PASK: variants seen among roughly 807,000 people sequenced by gnomAD.
PASK encodes PAS domain containing serine/threonine kinase.
A neutral mutation model predicts 121.0 loss-of-function variants in PASK; 110 were observed. The ratio of observed to expected loss-of-function variants is 0.91; its 90% confidence interval spans 0.78 to 1.06. The LOEUF is 1.06. Ranked by LOEUF, PASK falls within the 50% of genes least tolerant of loss-of-function variation. The pLI, the probability that PASK is intolerant of heterozygous loss-of-function variation, is 0.00. For missense variants in PASK, 1,643 were observed against 1,702.3 expected, an observed-to-expected ratio of 0.97 and a Z score of 0.61; for synonymous variants, 686 against 717.8, an observed-to-expected ratio of 0.96 and a Z score of 0.71.
intron 2 of PASK, among the ~76,000 whole-genome samples, chr2:241,141,108 T>G (rs1459522379): frequency 6.6e-6 from 1 of 152,166 alleles, no homozygotes; most frequent in Non-Finnish European, 1.5e-5. Context: ...AGCGAGACCC[T>G]GTCCCTACTA....
chr2:241,132,373 G>A (rs538089689), intron 9 of PASK, among the ~76,000 whole-genome samples: 52 of 151,296 alleles, frequency 3.4e-4, no homozygotes, highest in East Asian at 2.7e-3. Context: ...AAAAGTAACC[G>A]GGCGTGGTGG....
intron 2 of PASK, among the ~76,000 whole-genome samples, chr2:241,141,612 G>C (rs1321677138): frequency 6.6e-6 from 1 of 152,000 alleles, no homozygotes; most frequent in Non-Finnish European, 1.5e-5. Context: ...CATCTAATTA[G>C]AAATGCACTG....
chr2:241,139,739 T>C, intron 4 of PASK, 146 bp downstream of exon 4: 1 of 797,584 alleles, frequency 1.3e-6, no homozygotes. Context: ...AAACGGCGCC[T>C]GGGATGACAT....
chr2:241,138,704 C>T lies in PASK; in HGVS notation c.691G>A (p.Val231Ile), dbSNP rs1268762868. The T allele has an allele frequency of 2.5e-6, 4 of 1,614,152 alleles. No homozygotes were observed. The highest frequency in any genetic ancestry group is 1.7e-5 in the Admixed American group (1 of 60,036). ...GAGACCCTCTCCACGGGCTCCAGGA[C>T]CACCACGCAGCATAGGCGGCGCTCC... ...RQERRLCCVV[V>I]LEPVERVSTW... The change falls in exon 5 of 18, where the codon GTC (valine) becomes ATC (isoleucine). Residue 231 changes from valine to isoleucine, a missense_variant. Val to Ile is a conservative substitution (Grantham distance 29). Around this residue, in one of 3 missense-constraint regions of PASK, gnomAD observed 1,176 missense variants for 1,162.2 expected, o/e 1.01. Coordinates refer to ENST00000234040, the MANE Select transcript of PASK (RefSeq NM_015148.4).
chr2:241,122,721 A>G lies in PASK; in HGVS notation c.3072+11T>C. The G allele has an allele frequency of 6.2e-7, 1 of 1,613,598 alleles. No homozygotes were observed. The highest frequency in any genetic ancestry group is 1.1e-5 in the South Asian group (1 of 91,074). On this transcript the variant is annotated intron_variant, in intron 12 of 17. Transcript: ENST00000234040. ...GTGCCCGGCGCCACTCCCCCCCCACAGCCAGGTTACCTCCTTGTTTTTTTC... is the reference window on the plus strand; with the variant it reads ...GTGCCCGGCGCCACTCCCCCCCCACGGCCAGGTTACCTCCTTGTTTTTTTC...
intron 1 of PASK, among the ~76,000 whole-genome samples, chr2:241,143,732 C>T (rs1222806979): frequency 2.0e-5 from 3 of 152,116 alleles, no homozygotes; most frequent in Non-Finnish European, 2.9e-5. Context: ...CCCATCAGCA[C>T]GTGGGGGCTG....
chr2:241,145,765 C>A (rs2066925425), intron 1 of PASK: 1 of 151,906 alleles, frequency 6.6e-6, no homozygotes, highest in South Asian at 2.1e-4. Context: ...TTCCCAGCTA[C>A]TCTGGAGGCA....
intron 8 of PASK, chr2:241,134,541 G>A (rs979912581): frequency 2.6e-5 from 4 of 152,256 alleles, no homozygotes; most frequent in African/African-American, 9.6e-5. Context: ...CAGCTAAAGA[G>A]TGTCTGACGG....
rs2065880019 is a variant in PASK at position 241,126,665 on chromosome 2, G to A, written c.2250C>T (p.Asp750=). Reference sequence around the variant, plus strand: ...AATTTGATGACGTTTGGTCTGTCTGGTCACTGAAAAAGAGTTCCTTGAGGT... The same window carrying A: ...AATTTGATGACGTTTGGTCTGTCTGATCACTGAAAAAGAGTTCCTTGAGGT... ...SWNLKELFFS[D]QTDQTSSNCS... is the part of the protein sequence containing the mutation. Residue 750 remains aspartate, a synonymous_variant, in exon 10 of 18, where the codon GAC becomes GAT. Transcript: ENST00000234040. 1.9e-6 allele frequency: 3 copies of A among 1,614,190 alleles called. No homozygotes were observed. Among genetic ancestry groups the A allele is most frequent in the East Asian group, 2.2e-5 (1 of 44,878 alleles).
At chr2:241,127,877 T>TA (rs1001203723) in intron 9 of PASK, 7 of 283,080 alleles carry the variant, frequency 2.5e-5, no homozygotes, top group African/African-American at 4.4e-5. Context: ...TCCACAACAG[T>TA]AAAAAAACAA....
At chr2:241,127,755 C>T (rs2065943074) in intron 9 of PASK, 24 of 406,322 alleles carry the variant, frequency 5.9e-5, no homozygotes, top group South Asian at 4.6e-4. Context: ...CCCCAAACCC[C>T]CCGTCAGCCG....
At chr2:241,126,172 C>T (rs368525542) in intron 10 of PASK, 24 bp downstream of exon 10, 1 of 1,612,190 alleles carries the variant, frequency 6.2e-7, no homozygotes, top group Non-Finnish European at 8.5e-7. Flanking sequence ...CACCACACTT[C>T]TTCCTATGGG....
At chr2:241,137,862 C>A in intron 6 of PASK, 91 bp downstream of exon 6, 1 of 1,447,610 alleles carries the variant, frequency 6.9e-7, no homozygotes. Context: ...GCCACCCTTG[C>A]CTTCAGAAAC....
chr2:241,137,366 A>G, intron 6 of PASK, 102 bp from the exon 7 acceptor site: 1 of 937,004 alleles, frequency 1.1e-6, no homozygotes. Context: ...GTCATCGGGG[A>G]AGGTCCCCAG....
chr2:241,136,588 C>T (rs2066446621), intron 7 of PASK, among the ~76,000 whole-genome samples: 1 of 152,248 alleles, frequency 6.6e-6, no homozygotes, highest in Admixed American at 6.5e-5. Flanking sequence ...GTCTCAATGC[C>T]CTCAGCTCCT....
In PASK at chr2:241,126,592, C is replaced by G; in HGVS notation, c.2323G>C (p.Val775Leu). ...ELRETPSSLAVGSDPDVGSLQ... is the reference protein window; with the variant it reads ...ELRETPSSLALGSDPDVGSLQ... The stretch of plus-strand genomic sequence containing the variant: ...CTGCCTACATCTGGATCGGAGCCCA[C>G]TGCCAAGGAAGAGGGTGTCTCTCTG... Residue 775 changes from valine to leucine, a missense_variant, in exon 10 of 18, where the codon GTG becomes CTG. Val to Leu is a conservative substitution (Grantham distance 32). This residue lies in a region of PASK where 1,176 missense variants were observed against 1,162.2 expected (regional missense o/e 1.01). Transcript: ENST00000234040. 1 of 1,614,256 alleles carries G rather than the reference C, an allele frequency of 6.2e-7. No individual in the cohort carries two copies. The highest frequency in any genetic ancestry group is 1.3e-5 in the African/African-American group (1 of 75,072).
rs780777762 is a variant in PASK, at chr2:241,137,150, G to A, written c.991C>T (p.Pro331Ser). The change falls in exon 7 of 18, where the codon CCT (proline) becomes TCT (serine). Residue 331 changes from proline (P) to serine (S), a missense_variant. Physicochemically the swap from Pro to Ser is moderately conservative, Grantham distance 74 (BLOSUM62 -1). Coordinates refer to ENST00000234040, the MANE Select transcript of PASK (RefSeq NM_015148.4). ...SEEATTGEAA[P>S]VSGYRASVWV... ...ACAGATGCCCGGTAGCCGCTCACAGGGGCCGCCTCACCGGTGGTCGCCTCC... is the reference window on the plus strand; with the variant it reads ...ACAGATGCCCGGTAGCCGCTCACAGAGGCCGCCTCACCGGTGGTCGCCTCC... 4.3e-6 allele frequency: 7 copies of A among 1,613,746 alleles called. No homozygotes were observed. Among genetic ancestry groups the A allele is most frequent in the Non-Finnish European group, 5.9e-6 (7 of 1,179,880 alleles).
chr2:241,114,219 T>C, intron 14 of PASK: 1 of 985,282 alleles, frequency 1.0e-6, no homozygotes, highest in Non-Finnish European at 1.2e-6. Flanking sequence ...AACCATAATA[T>C]CTGAAACTTA....
chr2:241,112,109 A>AT lies in PASK; in HGVS notation c.3533+130dup, dbSNP rs2065134740. On this transcript the variant is annotated intron_variant, in intron 15 of 17. Transcript: ENST00000234040. The surrounding 1 kb of genome is among the most constrained non-coding windows in gnomAD (Gnocchi z 5.2). ...CCTGCCTGCCCACTTACTTTCCAGC[A>AT]TATCACCCTGACCACTCAACACTCA... 5 of 760,892 alleles carry AT rather than the reference A, an allele frequency of 6.6e-6. No homozygotes were observed. The highest frequency in any genetic ancestry group is 1.4e-5 in the South Asian group (1 of 69,358). 47.1% of individuals were successfully genotyped at this position (760,892 alleles called of 1,614,324 possible).
Sources: allele counts gnomAD v4.1 joint callset (sites outside exome capture counted in the v4.1 genomes callset), GRCh38; gene constraint gnomAD v4.1.1; regional missense constraint gnomAD v4.1.1; non-coding constraint Gnocchi (gnomAD v3.1); transcripts MANE v1.5; gene names NCBI Gene and HGNC (gene_info 2026-07-23, HGNC 2026-07-21).